The following RNGTT variants were observed in gnomAD, a reference collection of about 807,000 sequenced individuals.
The protein encoded by RNGTT is mRNA-capping enzyme.
Under a neutral mutation model 79.3 loss-of-function variants are expected in RNGTT, and 33 were observed. The observed-to-expected ratio is 0.42, with a 90% CI of 0.32 to 0.56. RNGTT has a LOEUF of 0.56. RNGTT is among the 20% of genes least tolerant of loss of function. RNGTT has a pLI of 0.17. For synonymous variants in RNGTT, 222 were observed against 235.9 expected (o/e 0.94, Z 0.54); for missense variants, 497 against 739.1 (o/e 0.67, Z 3.80).
At chr6:88,695,421 C>T (rs1452458426) in intron 13 of RNGTT, among the ~76,000 whole-genome samples, 4 of 152,122 alleles carry the variant, frequency 2.6e-5, no homozygotes, top group African/African-American at 9.7e-5. Context: ...TTCAATATCA[C>T]TAAGCATTAG....
At chr6:88,743,339 T>C (rs73754817) in intron 13 of RNGTT, among the ~76,000 whole-genome samples, 3,225 of 152,288 alleles carry the variant, frequency 0.021, 99 homozygotes, top group African/African-American at 0.073. Flanking sequence ...CAGAACAAAA[T>C]GTAGCATCTT....
In RNGTT at chr6:88,783,739, CTT is replaced by C. The variant is rs149991089; in HGVS notation, c.1339-13867_1339-13866del. On this transcript the variant is annotated intron_variant, in intron 12 of 15. Coordinates refer to ENST00000369485, the MANE Select transcript of RNGTT (RefSeq NM_003800.5). ...ACTACTGACATTGGGGCAGTTGACT[CTT>C]TGTTGTGGGGGCTGTTCCGTGCAAT... Among the ~76,000 whole-genome samples the C allele has an allele frequency of 4.5e-3, 677 of 151,598 alleles. 2 individuals are homozygous for C. Among genetic ancestry groups the C allele is most frequent in the African/African-American group, 0.015 (639 of 41,334 alleles).
chr6:88,728,773 G>A lies in RNGTT; in HGVS notation c.1439+41001C>T, dbSNP rs142329111. Among the ~76,000 whole-genome samples the A allele has an allele frequency of 2.1e-3, 318 of 152,228 alleles. 1 individual carries two copies. The highest frequency in any genetic ancestry group is 7.4e-3 in the African/African-American group (307 of 41,522). On this transcript the variant is annotated intron_variant, in intron 13 of 15. Coordinates refer to ENST00000369485, the MANE Select transcript of RNGTT (RefSeq NM_003800.5). ...GCCTTCTTCCAAAACCTTTTACAAC[G>A]GAAGAATTTCTCCTCCTCTGTCTAA... is the stretch of plus-strand genomic sequence containing the variant.
At chr6:88,888,273 C>T (rs1782933805) in intron 8 of RNGTT, among the ~76,000 whole-genome samples, 1 of 152,136 alleles carries the variant, frequency 6.6e-6, no homozygotes, top group South Asian at 2.1e-4. Flanking sequence ...TCACGTTTTC[C>T]ACTCTTTCTC....
intron 14 of RNGTT, among the ~76,000 whole-genome samples, chr6:88,659,793 G>A (rs778180517): frequency 1.8e-4 from 28 of 152,112 alleles, no homozygotes; most frequent in Non-Finnish European, 3.7e-4. Context: ...AATACAGGAC[G>A]CTCAAAGAAC....
At chr6:88,808,199 CTAAT>C (rs1326520414) in intron 11 of RNGTT, among the ~76,000 whole-genome samples, 3 of 151,824 alleles carry the variant, frequency 2.0e-5, no homozygotes, top group African/African-American at 4.8e-5. Flanking sequence ...ATATAATTGA[CTAAT>C]TAAAGTAAAA....
At chr6:88,900,662 A>G (rs1783419555) in intron 6 of RNGTT, among the ~76,000 whole-genome samples, 1 of 151,948 alleles carries the variant, frequency 6.6e-6, no homozygotes, top group Non-Finnish European at 1.5e-5. Flanking sequence ...TGAACCCAGG[A>G]GGCAGAGGTT....
chr6:88,891,257 CT>C (rs1351137546), intron 7 of RNGTT, among the ~76,000 whole-genome samples: 1 of 151,878 alleles, frequency 6.6e-6, no homozygotes, highest in East Asian at 1.9e-4. Context: ...AACAATAATC[CT>C]TTTTCCTTAC....
At chr6:88,932,540 CAT>C (rs1485277444) in intron 2 of RNGTT, among the ~76,000 whole-genome samples, 1 of 152,144 alleles carries the variant, frequency 6.6e-6, no homozygotes, top group Non-Finnish European at 1.5e-5. Context: ...AACCTGCTGA[CAT>C]GTGTCTCCCC....
At chr6:88,790,312 C>A (rs1779365284) in intron 12 of RNGTT, among the ~76,000 whole-genome samples, 1 of 152,088 alleles carries the variant, frequency 6.6e-6, no homozygotes, top group African/African-American at 2.4e-5. Flanking sequence ...ACAAGGAGAC[C>A]AGGGAAAGTC....
At chr6:88,865,702 A>T (rs183488525) in intron 8 of RNGTT, among the ~76,000 whole-genome samples, 2 of 152,178 alleles carry the variant, frequency 1.3e-5, no homozygotes, top group Non-Finnish European at 2.9e-5. Context: ...TGAATCAGGT[A>T]GGTCTCAATC....
chr6:88,852,953 T>C (rs1781719444), intron 9 of RNGTT, among the ~76,000 whole-genome samples: 1 of 152,222 alleles, frequency 6.6e-6, no homozygotes, highest in South Asian at 2.1e-4. Flanking sequence ...CATTGCTAAG[T>C]GTGGGGAAAA....
intron 13 of RNGTT, among the ~76,000 whole-genome samples, chr6:88,757,560 G>C (rs537024536): frequency 6.6e-6 from 1 of 152,222 alleles, no homozygotes; most frequent in South Asian, 2.1e-4. Context: ...TAATCAAAGA[G>C]AAAATGTTGT....
chr6:88,762,832 G>C (rs549048423), intron 13 of RNGTT, among the ~76,000 whole-genome samples: 1 of 152,196 alleles, frequency 6.6e-6, no homozygotes, highest in Non-Finnish European at 1.5e-5. Context: ...TGAGTAAAGA[G>C]TGGCAGAGCT....
intron 14 of RNGTT, among the ~76,000 whole-genome samples, chr6:88,632,718 G>C (rs866652652): frequency 1.1e-4 from 17 of 148,834 alleles, no homozygotes; most frequent in Non-Finnish European, 7.5e-5. Flanking sequence ...AAAGTCAGGG[G>C]GGAAAAAAAT....
chr6:88,788,985 T>C (rs1198019458), intron 12 of RNGTT, among the ~76,000 whole-genome samples: 1 of 152,244 alleles, frequency 6.6e-6, no homozygotes, highest in Non-Finnish European at 1.5e-5. Context: ...GTTATGTCTC[T>C]GAAAGTAGAA....
At chr6:88,810,489 AT>A (rs1353596668) in intron 11 of RNGTT, among the ~76,000 whole-genome samples, 1 of 152,228 alleles carries the variant, frequency 6.6e-6, no homozygotes, top group African/African-American at 2.4e-5. Context: ...TTCAGCAACG[AT>A]GATGGGCAGC....
rs138018201 is a variant in RNGTT, at chr6:88,642,028, T to TGA, written c.1507-27635_1507-27634dup. Among the ~76,000 whole-genome samples the TGA allele has an allele frequency of 1.0e-2, 1,494 of 149,488 alleles. 19 individuals are homozygous for TGA. Among genetic ancestry groups the TGA allele is most frequent in the African/African-American group, 0.031 (1,264 of 40,928 alleles). On this transcript the variant is annotated intron_variant, in intron 14 of 15. Coordinates refer to ENST00000369485, the MANE Select transcript of RNGTT (RefSeq NM_003800.5). ...CAGAAGAATTAGCTACCTTGTCATTTGAGAGAGAGAGAGAGAGAGAGAAAA... is the reference window on the plus strand; with the variant it reads ...CAGAAGAATTAGCTACCTTGTCATTTGAGAGAGAGAGAGAGAGAGAGAGAAAA...
chr6:88,877,660 G>A (rs1455056202), intron 8 of RNGTT, among the ~76,000 whole-genome samples: 2 of 152,148 alleles, frequency 1.3e-5, no homozygotes, highest in African/African-American at 2.4e-5. Flanking sequence ...CATATAGGGG[G>A]ACTTAAAGAA....
Sources: gnomAD v4.1 joint callset for allele counts (sites outside exome capture counted in the v4.1 genomes callset) on GRCh38, gnomAD v4.1.1 for gene constraint, MANE v1.5 for transcripts, NCBI Gene and HGNC (gene_info 2026-07-23, HGNC 2026-07-21) for gene names.